The following SHISA6 variants were observed in gnomAD, a reference collection of about 807,000 sequenced individuals.
SHISA6 encodes shisa family member 6.
In SHISA6, 22 loss-of-function variants were observed where a neutral mutation model predicts 47.9. The ratio of observed to expected loss-of-function variants is 0.46; its 90% confidence interval spans 0.33 to 0.66. The LOEUF is 0.66. Ranked by LOEUF, SHISA6 falls within the 30% of genes least tolerant of loss-of-function variation. The pLI is 0.02. For synonymous variants in SHISA6, 388 were observed against 337.8 expected (o/e 1.15, Z -1.63); for missense variants, 680 against 764.6 (o/e 0.89, Z 1.30).
intron 2 of SHISA6, among the ~76,000 whole-genome samples, chr17:11,324,573 G>C (rs1369542888): frequency 6.6e-6 from 1 of 152,078 alleles, no homozygotes; most frequent in African/African-American, 2.4e-5. Flanking sequence ...GCGGGGTATT[G>C]GGGCTGGAGA....
chr17:11,472,882 C>T (rs565932735), intron 3 of SHISA6, among the ~76,000 whole-genome samples: 1 of 152,190 alleles, frequency 6.6e-6, no homozygotes, highest in East Asian at 1.9e-4. Context: ...TTATCATTGT[C>T]TTGATTTGCA....
chr17:11,309,405 G>A (rs1262205739), intron 2 of SHISA6, among the ~76,000 whole-genome samples: 9 of 152,190 alleles, frequency 5.9e-5, no homozygotes, highest in African/African-American at 2.2e-4. Flanking sequence ...TTTCTCATGT[G>A]GAACCTGTAT....
At chr17:11,392,504 A>G (rs1001589539) in intron 3 of SHISA6, among the ~76,000 whole-genome samples, 2 of 152,140 alleles carry the variant, frequency 1.3e-5, no homozygotes, top group Admixed American at 6.5e-5. Flanking sequence ...TTTGCTTCCT[A>G]GATGCTCTCT....
At chr17:11,526,654 T>G (rs559854989) in intron 3 of SHISA6, among the ~76,000 whole-genome samples, 4 of 152,120 alleles carry the variant, frequency 2.6e-5, no homozygotes, top group Admixed American at 2.0e-4. Context: ...AACCCAATGA[T>G]AGTTCCACGT....
chr17:11,242,868 C>T (rs1385234095), intron 1 of SHISA6, among the ~76,000 whole-genome samples: 1 of 152,110 alleles, frequency 6.6e-6, no homozygotes, highest in Non-Finnish European at 1.5e-5. Context: ...CACCATCTTG[C>T]CCCCCAGTGA....
At chr17:11,429,857 A>G (rs1396726744) in intron 3 of SHISA6, among the ~76,000 whole-genome samples, 1 of 143,590 alleles carries the variant, frequency 7.0e-6, no homozygotes, top group African/African-American at 2.6e-5. Context: ...CCTCATAGGA[A>G]TTGAAAAAAA....
At chr17:11,422,282 C>T (rs962804707) in intron 3 of SHISA6, among the ~76,000 whole-genome samples, 6 of 152,044 alleles carry the variant, frequency 3.9e-5, no homozygotes, top group Non-Finnish European at 5.9e-5. Context: ...CACATGCCTC[C>T]GGAGCAACAA....
At chr17:11,244,445 C>T (rs1422340178) in intron 1 of SHISA6, among the ~76,000 whole-genome samples, 6 of 152,222 alleles carry the variant, frequency 3.9e-5, no homozygotes. Context: ...AGCACAATGT[C>T]CCAACTCAGC....
At chr17:11,431,758 C>T (rs1038007190) in intron 3 of SHISA6, among the ~76,000 whole-genome samples, 4 of 152,186 alleles carry the variant, frequency 2.6e-5, no homozygotes, top group African/African-American at 9.7e-5. Context: ...ATGGGGTACC[C>T]TTGAAAGGTA....
chr17:11,316,689 G>A (rs1448487665), intron 2 of SHISA6, among the ~76,000 whole-genome samples: 1 of 151,868 alleles, frequency 6.6e-6, no homozygotes, highest in Non-Finnish European at 1.5e-5. Flanking sequence ...CAAAGTGTTG[G>A]GATTATAGGA....
At chr17:11,355,639 C>A (rs12325823) in intron 2 of SHISA6, among the ~76,000 whole-genome samples, 5,343 of 152,256 alleles carry the variant, frequency 0.035, 286 homozygotes, top group African/African-American at 0.11. Flanking sequence ...ACACACTGAT[C>A]TCTGCTTTTC....
intron 2 of SHISA6, among the ~76,000 whole-genome samples, chr17:11,295,045 T>C (rs1909698847): frequency 1.3e-5 from 2 of 152,206 alleles, no homozygotes; most frequent in African/African-American, 4.8e-5. Context: ...TAGGCAGGTA[T>C]CCGGTACAGT....
At chr17:11,439,094 T>G (rs1018407230) in intron 3 of SHISA6, among the ~76,000 whole-genome samples, 4 of 152,180 alleles carry the variant, frequency 2.6e-5, no homozygotes, top group African/African-American at 4.8e-5. Flanking sequence ...TGGGCTCTCC[T>G]ACTCCTGTAC....
chr17:11,330,541 A>G (rs1265364971), intron 2 of SHISA6, among the ~76,000 whole-genome samples: 1 of 151,706 alleles, frequency 6.6e-6, no homozygotes, highest in Non-Finnish European at 1.5e-5. Flanking sequence ...AAGACAGGGA[A>G]AAGACTAAAA....
intron 2 of SHISA6, among the ~76,000 whole-genome samples, chr17:11,347,368 T>C (rs1289660052): frequency 6.6e-6 from 1 of 152,070 alleles, no homozygotes; most frequent in Non-Finnish European, 1.5e-5. Context: ...AGAGAAACAA[T>C]GGAAAAGGCT....
At chr17:11,277,424 G>A (rs76068177) in intron 2 of SHISA6, among the ~76,000 whole-genome samples, 3,374 of 152,016 alleles carry the variant, frequency 0.022, 133 homozygotes, top group African/African-American at 0.074. Context: ...TGATGCATTG[G>A]ACTGTAAGTG....
chr17:11,475,020 C>A (rs1004835750), intron 3 of SHISA6, among the ~76,000 whole-genome samples: 1 of 152,042 alleles, frequency 6.6e-6, no homozygotes, highest in African/African-American at 2.4e-5. Context: ...TTTTTTTAAG[C>A]AGAGTTTCGT....
chr17:11,249,133 G>A (rs1161306646), intron 1 of SHISA6, among the ~76,000 whole-genome samples: 14 of 129,102 alleles, frequency 1.1e-4, no homozygotes, highest in South Asian at 7.4e-4. Flanking sequence ...GCGAGACTCC[G>A]TCTCAAAAAA....
rs1279363117 is a variant in SHISA6, at chr17:11,241,478, T to C, written c.56T>C (p.Leu19Pro). The change falls in exon 1 of 6, where the codon CTG becomes CCG. Residue 19 changes from leucine (L) to proline (P), a missense_variant. Around this residue, in one of 2 missense-constraint regions of SHISA6, gnomAD observed 121 missense variants for 90.5 expected, o/e 1.34. Coordinates refer to ENST00000441885, the MANE Select transcript of SHISA6 (RefSeq NM_207386.4). The surrounding 1 kb of genome is among the most constrained non-coding windows in gnomAD (Gnocchi z 5.5). The part of the protein sequence containing the change: ...LLLLSLESLD[L>P]LPSVHGARGR... The stretch of plus-strand genomic sequence containing the variant: ...CTGCTCTCGCTGGAGTCCCTGGACC[T>C]GCTGCCCAGCGTCCACGGAGCCCGC... The C allele has an allele frequency of 8.4e-7, 1 of 1,183,650 alleles. No individual in the cohort carries two copies. The highest frequency in any genetic ancestry group is 1.1e-6 in the Non-Finnish European group (1 of 942,594). 73.3% of individuals were successfully genotyped at this position (1,183,650 alleles called of 1,614,324 possible).
Sources: gnomAD v4.1 joint callset for allele counts (sites outside exome capture counted in the v4.1 genomes callset) on GRCh38, gnomAD v4.1.1 for gene constraint, gnomAD v4.1.1 regional missense constraint, Gnocchi (gnomAD v3.1) non-coding constraint, MANE v1.5 for transcripts, NCBI Gene and HGNC (gene_info 2026-07-23, HGNC 2026-07-21) for gene names.